Variants in CNTN5 observed in about 807,000 individuals in gnomAD.
CNTN5 encodes contactin 5.
CNTN5 carries 77 observed loss-of-function variants against 129.1 expected under a neutral mutation model. The observed-to-expected ratio is 0.60, with a 90% CI of 0.50 to 0.72. CNTN5 has a LOEUF of 0.72. Among genes scored for constraint, CNTN5 ranks in the 30% least tolerant of loss-of-function variants. The pLI, the probability that CNTN5 is intolerant of heterozygous loss-of-function variation, is 0.00. For synonymous variants in CNTN5, 509 were observed against 465.6 expected (o/e 1.09, Z -1.20); for missense variants, 1,478 against 1,328.8 (o/e 1.11, Z -1.75).
chr11:99,828,746 A>T (rs879813661), intron 4 of CNTN5, among the ~76,000 whole-genome samples: 5 of 152,162 alleles, frequency 3.3e-5, no homozygotes, highest in Non-Finnish European at 7.4e-5. Flanking sequence ...ACTACACTCA[A>T]GAGAATTTAC....
intron 23 of CNTN5, among the ~76,000 whole-genome samples, chr11:100,350,264 C>T (rs1218128332): frequency 6.6e-6 from 1 of 151,680 alleles, no homozygotes; most frequent in Non-Finnish European, 1.5e-5. Context: ...GCATAACAGA[C>T]TCTCCATGAT....
At chr11:99,175,913 A>T (rs1857748111) in intron 1 of CNTN5, among the ~76,000 whole-genome samples, 1 of 152,092 alleles carries the variant, frequency 6.6e-6, no homozygotes, top group Non-Finnish European at 1.5e-5. Flanking sequence ...TTATTTGAAG[A>T]TTTAAAAGTT....
intron 3 of CNTN5, among the ~76,000 whole-genome samples, chr11:99,639,768 T>C (rs1213296486): frequency 1.3e-5 from 2 of 151,948 alleles, no homozygotes; most frequent in African/African-American, 4.8e-5. Flanking sequence ...TTCACCATGT[T>C]GGTCAGGCTG....
At chr11:99,383,547 C>T (rs1050514705) in intron 2 of CNTN5, among the ~76,000 whole-genome samples, 1 of 150,752 alleles carries the variant, frequency 6.6e-6, no homozygotes, top group Admixed American at 6.6e-5. Flanking sequence ...TCGATACCTG[C>T]TCGTGGTTGA....
intron 21 of CNTN5, chr11:100,337,551 G>A (rs1952060806): frequency 1.3e-6 from 1 of 742,754 alleles, no homozygotes; most frequent in South Asian, 1.3e-5. Context: ...GCAAGCTGTG[G>A]ATTTTCTGAG....
intron 8 of CNTN5, among the ~76,000 whole-genome samples, 173 bp from the exon 9 acceptor site, chr11:100,001,861 A>G (rs766009325): frequency 3.9e-5 from 6 of 152,232 alleles, no homozygotes; most frequent in Non-Finnish European, 5.9e-5. Flanking sequence ...CTAGGATTTC[A>G]TCAAAATGAT....
rs1454637871 is a variant in CNTN5, at chr11:99,645,237, G to A, written c.55+88968G>A. Among the ~76,000 whole-genome samples the A allele has an allele frequency of 9.1e-5, 10 of 109,772 alleles. No homozygotes were observed. In the Admixed American group the frequency reaches 1.4e-3, roughly 15 times the overall value. 72.0% of individuals were successfully genotyped at this position (109,772 alleles called of 152,430 possible). ...ATTGCACCACTGCACTCCAGCCTGGGCAACAGAGCGAGGCTCCATCTCAAC... is the reference window on the plus strand; with the variant it reads ...ATTGCACCACTGCACTCCAGCCTGGACAACAGAGCGAGGCTCCATCTCAAC... On this transcript the variant is annotated intron_variant, in intron 3 of 24. Transcript: ENST00000524871.
At chr11:99,976,855 T>G (rs1938009339) in intron 8 of CNTN5, among the ~76,000 whole-genome samples, 1 of 152,234 alleles carries the variant, frequency 6.6e-6, no homozygotes, top group Non-Finnish European at 1.5e-5. Context: ...TTAAGCAAAT[T>G]TCTGCAGCTG....
chr11:99,069,287 C>G (rs1293716624), intron 1 of CNTN5, among the ~76,000 whole-genome samples: 1 of 151,916 alleles, frequency 6.6e-6, no homozygotes, highest in East Asian at 1.9e-4. Context: ...AGAAATGAAC[C>G]AGGCCAGGCG....
intron 3 of CNTN5, among the ~76,000 whole-genome samples, chr11:99,726,483 C>A (rs773369014): frequency 2.0e-5 from 3 of 152,114 alleles, no homozygotes; most frequent in East Asian, 1.9e-4. Context: ...CGAAATAGAA[C>A]AATTTGCTTG....
intron 9 of CNTN5, among the ~76,000 whole-genome samples, chr11:100,049,739 A>G (rs1259424250): frequency 6.6e-6 from 1 of 151,772 alleles, no homozygotes; most frequent in Admixed American, 6.6e-5. Context: ...ACAAAGGGCT[A>G]ATATCCAGAA....
chr11:100,158,162 C>A (rs967329803), intron 13 of CNTN5, among the ~76,000 whole-genome samples: 4 of 151,720 alleles, frequency 2.6e-5, no homozygotes, highest in African/African-American at 7.3e-5. Flanking sequence ...GTTGTTTGAA[C>A]TACAAAGCTA....
At chr11:99,955,919 C>G (rs959666545) in intron 7 of CNTN5, among the ~76,000 whole-genome samples, 1 of 152,050 alleles carries the variant, frequency 6.6e-6, no homozygotes, top group Non-Finnish European at 1.5e-5. Context: ...AATCAATGTT[C>G]AACTCGTCAT....
intron 1 of CNTN5, among the ~76,000 whole-genome samples, chr11:99,217,629 A>C (rs1860196510): frequency 6.6e-6 from 1 of 152,162 alleles, no homozygotes; most frequent in African/African-American, 2.4e-5. Context: ...TTAAATTTGC[A>C]TGCCCTGATG....
chr11:99,649,074 A>T (rs1490224796), intron 3 of CNTN5, among the ~76,000 whole-genome samples: 1 of 151,812 alleles, frequency 6.6e-6, no homozygotes, highest in East Asian at 1.9e-4. Context: ...TAAACAAAAA[A>T]TGATAAATAT....
In CNTN5 at chr11:99,664,208, A is replaced by G. The variant is rs541482631; in HGVS notation, c.55+107939A>G. Among the ~76,000 whole-genome samples, 4 of 152,260 alleles carry G rather than the reference A, an allele frequency of 2.6e-5. No homozygotes were observed. In the South Asian group the frequency reaches 8.3e-4, roughly 32 times the overall value. On this transcript the variant is annotated intron_variant, in intron 3 of 24. Transcript: ENST00000524871. Reference sequence around the variant, plus strand: ...ACAAATGGCTCCAGGAGTTTTCAAAATCTTTATGAAGACATGATGACATTC... The same window carrying G: ...ACAAATGGCTCCAGGAGTTTTCAAAGTCTTTATGAAGACATGATGACATTC...
At chr11:99,380,768 C>CAAAAAAAAAAAAAAAAAA in intron 2 of CNTN5, among the ~76,000 whole-genome samples, 1 of 102,412 alleles carries the variant, frequency 9.8e-6, no homozygotes, top group Non-Finnish European at 1.8e-5. Context: ...AACTCTATCT[C>CAAAAAAAAAAAAAAAAAA]AAAAAAAAAA....
chr11:99,513,729 C>T (rs888037989), intron 2 of CNTN5, among the ~76,000 whole-genome samples: 1 of 75,128 alleles, frequency 1.3e-5, no homozygotes, highest in Non-Finnish European at 3.0e-5. Context: ...ATTTAATGCT[C>T]AGAGAAAAAA....
chr11:99,167,976 C>T (rs1321979315), intron 1 of CNTN5, among the ~76,000 whole-genome samples: 1 of 151,366 alleles, frequency 6.6e-6, no homozygotes, highest in African/African-American at 2.4e-5. Flanking sequence ...CAATCTGTTC[C>T]CCAGGCTGGA....
Sources: allele counts gnomAD v4.1 joint callset (sites outside exome capture counted in the v4.1 genomes callset), GRCh38; gene constraint gnomAD v4.1.1; transcripts MANE v1.5; gene names NCBI Gene and HGNC (gene_info 2026-07-23, HGNC 2026-07-21).